MTMR8: variants seen among roughly 807,000 people sequenced by gnomAD.
MTMR8 encodes myotubularin related protein 8.
Under a neutral mutation model 39.3 loss-of-function variants are expected in MTMR8, and 65 were observed. The ratio of observed to expected loss-of-function variants is 1.65; its 90% CI spans 1.35 to 2.03. MTMR8 has a LOEUF of 2.03. MTMR8 is among the 30% of genes most tolerant of loss of function. The pLI, the probability that MTMR8 is intolerant of heterozygous loss-of-function variation, is 0.00. For synonymous variants in MTMR8, 245 were observed against 185.2 expected (o/e 1.32, Z -2.62); for missense variants, 777 against 538.9 (o/e 1.44, Z -4.37).
intron 12 of MTMR8, among the ~76,000 whole-genome samples, chrX:64,289,636 C>CAA (rs749879321): frequency 0.016 from 416 of 25,876 alleles, 11 homozygotes; most frequent in Middle Eastern, 0.045. Context: ...GACTCCATCG[C>CAA]AAAAAAAAAA....
intron 1 of MTMR8, among the ~76,000 whole-genome samples, chrX:64,386,114 T>C (rs1271098319): frequency 1.8e-5 from 2 of 111,281 alleles, no homozygotes; most frequent in Admixed American, 9.5e-5. Flanking sequence ...AAAAGTAACC[T>C]GAAGTAACCT....
intron 12 of MTMR8, among the ~76,000 whole-genome samples, chrX:64,316,307 C>A (rs192899059): frequency 2.3e-4 from 26 of 112,114 alleles, no homozygotes; most frequent in African/African-American, 8.1e-4. Flanking sequence ...GTGACAAACA[C>A]GTTTTATTTC....
intron 1 of MTMR8, among the ~76,000 whole-genome samples, chrX:64,390,507 T>A (rs1924665155): frequency 1.8e-5 from 2 of 112,061 alleles, no homozygotes; most frequent in Non-Finnish European, 3.8e-5. Context: ...TGCTAGATGT[T>A]TGACCTTGGA....
At chrX:64,347,914 T>C (rs1231438657) in intron 6 of MTMR8, among the ~76,000 whole-genome samples, 1 of 112,032 alleles carries the variant, frequency 8.9e-6, no homozygotes, top group Non-Finnish European at 1.9e-5. Flanking sequence ...TCAGCAATGT[T>C]CATATTTGAA....
chrX:64,345,229 G>C lies in MTMR8; in HGVS notation c.733-52C>G, dbSNP rs200417776. The C allele has an allele frequency of 2.9e-3, 3,332 of 1,144,289 alleles. 4 individuals carry two copies. Among genetic ancestry groups the C allele is most frequent in the Middle Eastern group, 0.017 (70 of 4,134 alleles). 94.3% of individuals were successfully genotyped at this position (1,144,289 alleles called of 1,213,427 possible). A position where few individuals can be genotyped will look rare whatever the true frequency, so the allele number is the denominator to read the frequency against. ...CAGATAGGCCAGATGATGAAAGAAT[G>C]GAGTTCATCAATCTCAATGCCTCAT... On this transcript the variant is annotated intron_variant, in intron 6 of 13. Coordinates refer to ENST00000374852, the MANE Select transcript of MTMR8 (RefSeq NM_017677.4).
At chrX:64,274,354 A>G (rs1931827269) in intron 12 of MTMR8, among the ~76,000 whole-genome samples, 1 of 112,389 alleles carries the variant, frequency 8.9e-6, no homozygotes, top group South Asian at 3.7e-4. Context: ...ACACTCTTAA[A>G]CAACCAATGG....
chrX:64,331,421 T>C, intron 11 of MTMR8, 136 bp downstream of exon 11: 1 of 511,146 alleles, frequency 2.0e-6, no homozygotes, highest in Non-Finnish European at 3.3e-6. Context: ...GAGTGCTTTA[T>C]GCTTCAAAAG....
chrX:64,322,140 C>T (rs1316573956), intron 12 of MTMR8, among the ~76,000 whole-genome samples: 1 of 108,848 alleles, frequency 9.2e-6, no homozygotes, highest in African/African-American at 3.4e-5. Flanking sequence ...ATCTCCTAGG[C>T]TTCAGTCATT....
chrX:64,318,123 G>A (rs1343183092), intron 12 of MTMR8, among the ~76,000 whole-genome samples: 1 of 112,081 alleles, frequency 8.9e-6, no homozygotes, highest in Non-Finnish European at 1.9e-5. Flanking sequence ...ACCACTTAGT[G>A]GAAGTCCAGA....
At chrX:64,325,592 C>A (rs1922768018) in intron 12 of MTMR8, among the ~76,000 whole-genome samples, 1 of 111,485 alleles carries the variant, frequency 9.0e-6, no homozygotes, top group Admixed American at 9.5e-5. Context: ...AATTAAATAT[C>A]CCTTCATGAT....
chrX:64,288,046 A>AAAAAAAAAAAAAAAG (rs1921256521), intron 12 of MTMR8, among the ~76,000 whole-genome samples: 1 of 87,639 alleles, frequency 1.1e-5, no homozygotes, highest in Non-Finnish European at 2.3e-5. Flanking sequence ...AAAAAAAAAA[A>AAAAAAAAAAAAAAAG]AAACTACCAT....
At chrX:64,286,965 C>A (rs906724637) in intron 12 of MTMR8, among the ~76,000 whole-genome samples, 31 of 111,167 alleles carry the variant, frequency 2.8e-4, no homozygotes, top group African/African-American at 9.5e-4. Context: ...CTGGCCAGGG[C>A]AATCAGGCAG....
At chrX:64,309,451 C>G (rs1381318424) in intron 12 of MTMR8, among the ~76,000 whole-genome samples, 2 of 105,815 alleles carry the variant, frequency 1.9e-5, no homozygotes, top group African/African-American at 3.9e-5. Flanking sequence ...TTATATTAAA[C>G]TTGTAAATGC....
chrX:64,305,715 T>C (rs772268439), intron 12 of MTMR8: 4 of 509,272 alleles, frequency 7.9e-6, no homozygotes, highest in Non-Finnish European at 1.5e-5. Context: ...CCAGTCTGTA[T>C]CTACTAATAT....
At position 64,343,602 on chromosome X, in the gene MTMR8, G is replaced by C. The variant is rs370098896; in HGVS notation, c.975+9C>G. On this transcript the variant is annotated intron_variant, in intron 8 of 13. Transcript: ENST00000374852. Reference sequence around the variant, plus strand: ...AGTCAGTGCAAATTTTAAAAGTCCTGATTATTACCTTTGTAATGAAAATTC... The same window carrying C: ...AGTCAGTGCAAATTTTAAAAGTCCTCATTATTACCTTTGTAATGAAAATTC... 7.4e-5 allele frequency: 84 copies of C among 1,130,914 alleles called. No homozygotes were observed. Among genetic ancestry groups the C allele is most frequent in the Middle Eastern group, 2.4e-4 (1 of 4,182 alleles). The allele number at this position is 1,130,914 out of a possible 1,213,427, so 93.2% of individuals were successfully genotyped here.
At chrX:64,379,030 A>G (rs1185950772) in intron 1 of MTMR8, among the ~76,000 whole-genome samples, 1 of 112,040 alleles carries the variant, frequency 8.9e-6, no homozygotes, top group East Asian at 2.8e-4. Flanking sequence ...TTGATAATCT[A>G]GGTGAAATGG....
In MTMR8 at chrX:64,395,375, C is replaced by G. The variant is rs1220340790; in HGVS notation, c.-12G>C. The stretch of plus-strand genomic sequence containing the variant: ...GTAATATGATCCATGACTGCAGTTC[C>G]CGCCACCGGAAGATCTCAGTGCTAC... On this transcript the variant is annotated 5_prime_UTR_variant, in exon 1 of 14. Coordinates refer to ENST00000374852, the MANE Select transcript of MTMR8 (RefSeq NM_017677.4). 2 of 1,206,978 alleles carry G rather than the reference C, an allele frequency of 1.7e-6. No individual in the cohort carries two copies. The highest frequency in any genetic ancestry group is 2.2e-5 in the Admixed American group (1 of 45,727).
intron 10 of MTMR8, 45 bp from the exon 11 acceptor site, chrX:64,331,802 A>G: frequency 9.3e-7 from 1 of 1,071,125 alleles, no homozygotes; most frequent in Non-Finnish European, 1.3e-6. Context: ...AGTTAGCATT[A>G]AGGATTACAC....
intron 1 of MTMR8, among the ~76,000 whole-genome samples, chrX:64,367,336 T>C (rs1923996093): frequency 8.9e-6 from 1 of 112,052 alleles, no homozygotes; most frequent in Non-Finnish European, 1.9e-5. Context: ...ATATCCCTGA[T>C]GAACATCGAT....
Sources: allele counts gnomAD v4.1 joint callset (sites outside exome capture counted in the v4.1 genomes callset), GRCh38; gene constraint gnomAD v4.1.1; transcripts MANE v1.5; gene names NCBI Gene and HGNC (gene_info 2026-07-23, HGNC 2026-07-21).